SP2: variants seen among roughly 807,000 people sequenced by gnomAD.
SP2 encodes the protein transcription factor Sp2.
SP2 carries 9 observed loss-of-function variants against 50.1 expected under a neutral mutation model. The observed-to-expected ratio is 0.18, with a 90% CI of 0.11 to 0.31. The LOEUF (loss-of-function observed/expected upper bound fraction) is 0.31. Among genes scored for constraint, SP2 ranks in the 10% least tolerant of loss-of-function variants. SP2 has a pLI of 1.00. For missense variants in SP2, 581 were observed against 806.5 expected, an observed-to-expected ratio of 0.72 and a Z score of 3.39; for synonymous variants, 313 against 326.6, an observed-to-expected ratio of 0.96 and a Z score of 0.45.
chr17:47,926,936 G>T (rs1175311629), intron 6 of SP2, among the ~76,000 whole-genome samples: 1 of 152,182 alleles, frequency 6.6e-6, no homozygotes, highest in Non-Finnish European at 1.5e-5. Context: ...TGGCCAGTGT[G>T]GTGGGACAGG....
intron 1 of SP2, among the ~76,000 whole-genome samples, chr17:47,911,422 G>C (rs2034978722): frequency 1.3e-5 from 2 of 151,092 alleles, no homozygotes; most frequent in Non-Finnish European, 2.9e-5. Flanking sequence ...GTGGGTGCCT[G>C]TAATCCCAGC....
intron 1 of SP2, among the ~76,000 whole-genome samples, chr17:47,915,013 G>A (rs1158758923): frequency 2.0e-5 from 3 of 152,128 alleles, no homozygotes; most frequent in African/African-American, 7.2e-5. Flanking sequence ...AGGAATTCGA[G>A]ATCAGTCTGG....
At chr17:47,900,223 C>T (rs1395019527) in intron 1 of SP2, 2 of 152,216 alleles carry the variant, frequency 1.3e-5, no homozygotes, top group African/African-American at 2.4e-5. Context: ...AGAGCCTTCT[C>T]TTTGGGGTTG....
chr17:47,909,683 AAGAGGGACCATC>A, intron 1 of SP2: 1 of 983,510 alleles, frequency 1.0e-6, no homozygotes, highest in Non-Finnish European at 1.2e-6. Flanking sequence ...GGAGGAGGCT[AAGAGGGACCATC>A]CCACTAATGA....
At chr17:47,897,739 A>G (rs1459985153) in intron 1 of SP2, 1 of 439,440 alleles carries the variant, frequency 2.3e-6, no homozygotes, top group East Asian at 1.6e-4. Context: ...TTACTAACAC[A>G]AAGAAACCCA....
intron 1 of SP2, among the ~76,000 whole-genome samples, chr17:47,901,374 T>C (rs1296596082): frequency 6.6e-6 from 1 of 152,094 alleles, no homozygotes; most frequent in Non-Finnish European, 1.5e-5. Context: ...CTCCAACTCT[T>C]GACCTCGTGA....
chr17:47,925,538 A>G lies in SP2; in HGVS notation c.1738A>G (p.Thr580Ala). 6.2e-7 allele frequency: 1 copy of G among 1,613,380 alleles called. No individual in the cohort carries two copies. The highest frequency in any genetic ancestry group is 1.1e-5 in the South Asian group (1 of 91,052). ...DELQRHARTH[T>A]GDKRFECAQC... ...GCTCCAACGGCATGCTCGCACCCACACAGGTCAGCCCCCTGCCTTCGGGAC... is the reference window on the plus strand; with the variant it reads ...GCTCCAACGGCATGCTCGCACCCACGCAGGTCAGCCCCCTGCCTTCGGGAC... Residue 580 changes from threonine to alanine, a missense_variant, in exon 6 of 7, where the codon ACA becomes GCA. Coordinates refer to ENST00000376741, the MANE Select transcript of SP2 (RefSeq NM_003110.6).
chr17:47,897,819 C>T lies in SP2; in HGVS notation c.7+1526C>T, dbSNP rs183286544. On this transcript the variant is annotated intron_variant, in intron 1 of 6. Transcript: ENST00000376741. The stretch of plus-strand genomic sequence containing the variant: ...AAATTCTTGTGTGCGATGAAGGGGG[C>T]GAATCTATCAGACAACCTATCAATT... The T allele has an allele frequency of 5.2e-5, 51 of 982,230 alleles. No homozygotes were observed. The East Asian group carries it at 1.8e-3, about 35-fold the overall frequency. 60.8% of individuals were successfully genotyped at this position (982,230 alleles called of 1,614,324 possible). A position where few individuals can be genotyped will look rare whatever the true frequency, so the allele number is the denominator to read the frequency against.
intron 1 of SP2, among the ~76,000 whole-genome samples, chr17:47,904,917 A>G (rs915230004): frequency 1.3e-5 from 2 of 152,108 alleles, no homozygotes; most frequent in African/African-American, 2.4e-5. Context: ...CTGCAGGCAC[A>G]CACCACCACA....
intron 1 of SP2, among the ~76,000 whole-genome samples, chr17:47,901,069 C>T (rs1277425682): frequency 6.6e-6 from 1 of 151,944 alleles, no homozygotes; most frequent in Non-Finnish European, 1.5e-5. Flanking sequence ...TGCAAACTAG[C>T]AAATGACAGT....
intron 4 of SP2, among the ~76,000 whole-genome samples, chr17:47,924,243 C>T (rs1479166443): frequency 3.3e-4 from 50 of 152,084 alleles, no homozygotes. Context: ...TCAAGCAGTC[C>T]TCCTACTTCT....
intron 3 of SP2, among the ~76,000 whole-genome samples, chr17:47,917,446 C>T (rs1046482541): frequency 6.6e-6 from 1 of 151,782 alleles, no homozygotes; most frequent in African/African-American, 2.4e-5. Context: ...TATAGAATTA[C>T]TCAAAACATT....
chr17:47,915,362 C>T lies in SP2; in HGVS notation c.58C>T (p.Leu20=), dbSNP rs144611436. ...TGCTGCTGTGAGTCCCAGTGACTAC[C>T]TGCAGCCTGCCGCCTCCACCACCCA... ...ATAAVSPSDY[L]QPAASTTQDS... The change falls in exon 2 of 7, where the codon CTG becomes TTG. Residue 20 remains leucine, a synonymous_variant. Coordinates refer to ENST00000376741, the MANE Select transcript of SP2 (RefSeq NM_003110.6). 1.5e-5 allele frequency: 25 copies of T among 1,613,516 alleles called. No homozygotes were observed. Among genetic ancestry groups the T allele is most frequent in the Middle Eastern group, 1.7e-4 (1 of 6,058 alleles).
intron 1 of SP2, chr17:47,897,401 TTTC>T (rs1225518985): frequency 1.3e-5 from 2 of 152,268 alleles, no homozygotes; most frequent in Admixed American, 1.3e-4. Context: ...CCCAAAGTTC[TTTC>T]TTCTTCTGAG....
intron 1 of SP2, among the ~76,000 whole-genome samples, chr17:47,902,241 G>A (rs529206483): frequency 1.3e-5 from 2 of 152,284 alleles, no homozygotes; most frequent in East Asian, 3.8e-4. Flanking sequence ...GGAACAGCAG[G>A]GAGCCAGCAT....
At chr17:47,923,846 C>T (rs929731182) in intron 4 of SP2, among the ~76,000 whole-genome samples, 2 of 151,820 alleles carry the variant, frequency 1.3e-5, no homozygotes, top group African/African-American at 2.4e-5. Context: ...GGATTATAGA[C>T]GCCCACCACC....
intron 1 of SP2, among the ~76,000 whole-genome samples, chr17:47,908,319 C>T (rs2034843750): frequency 6.6e-6 from 1 of 152,200 alleles, no homozygotes; most frequent in Non-Finnish European, 1.5e-5. Context: ...TTCATTTACA[C>T]TCTGCGCGGA....
At chr17:47,915,228 T>A (rs1051974866) in intron 1 of SP2, 84 bp from the exon 2 acceptor site, 99 of 909,882 alleles carry the variant, frequency 1.1e-4, no homozygotes, top group African/African-American at 5.5e-4. Flanking sequence ...AAAAAAAAAA[T>A]AGAAAAAAAG....
chr17:47,896,885 C>T (rs2325748), intron 1 of SP2, among the ~76,000 whole-genome samples: 38,141 of 152,194 alleles, frequency 0.25, 5,714 homozygotes, highest in East Asian at 0.51. Flanking sequence ...GGTGTCAGGA[C>T]ACGAGAGCAC....
Sources: gnomAD v4.1 joint callset for allele counts (sites outside exome capture counted in the v4.1 genomes callset) on GRCh38, gnomAD v4.1.1 for gene constraint, MANE v1.5 for transcripts, NCBI Gene and HGNC (gene_info 2026-07-23, HGNC 2026-07-21) for gene names.